The following G3BP2 variants were observed in gnomAD, a reference collection of about 807,000 sequenced individuals.
G3BP2 encodes the protein ras GTPase-activating protein-binding protein 2.
A neutral mutation model predicts 56.7 loss-of-function variants in G3BP2; 11 were observed. That is an observed-to-expected ratio of 0.19 (90% CI 0.12 to 0.32). The LOEUF (loss-of-function observed/expected upper bound fraction) is 0.32. Among genes scored for constraint, G3BP2 ranks in the 10% least tolerant of loss-of-function variants. The pLI, the probability that G3BP2 is intolerant of heterozygous loss-of-function variation, is 1.00. For missense variants in G3BP2, 340 were observed against 610.9 expected (o/e 0.56, Z 4.67); for synonymous variants, 165 against 191.6 (o/e 0.86, Z 1.15).
At chr4:75,654,356 C>G (rs1483513485) in intron 7 of G3BP2, among the ~76,000 whole-genome samples, 1 of 152,172 alleles carries the variant, frequency 6.6e-6, no homozygotes, top group Non-Finnish European at 1.5e-5. Context: ...GCAAACAAAA[C>G]CACTAACAAA....
At chr4:75,672,287 C>T (rs757481773) in intron 1 of G3BP2, among the ~76,000 whole-genome samples, 2 of 152,136 alleles carry the variant, frequency 1.3e-5, no homozygotes, top group African/African-American at 4.8e-5. Context: ...AATCTATATT[C>T]GCCCCAAAGC....
intron 3 of G3BP2, among the ~76,000 whole-genome samples, chr4:75,687,488 A>G (rs892053433): frequency 6.6e-6 from 1 of 152,190 alleles, no homozygotes; most frequent in African/African-American, 2.4e-5. Flanking sequence ...AAACAAACTA[A>G]TAGAGGTCTG....
At chr4:75,648,444 C>A (rs1489878838) in intron 9 of G3BP2, among the ~76,000 whole-genome samples, 195 bp downstream of exon 9, 1 of 151,710 alleles carries the variant, frequency 6.6e-6, no homozygotes, top group African/African-American at 2.4e-5. Context: ...GTCACCATGG[C>A]ATGTCAACCA....
chr4:75,673,719 A>G, upstream of G3BP2: 1 of 871,788 alleles, frequency 1.1e-6, no homozygotes, highest in Non-Finnish European at 1.5e-6. Context: ...CGCAAGCGAG[A>G]GCTGGTTCGC....
intron 1 of G3BP2, chr4:75,670,542 A>G (rs1456307847): frequency 6.6e-6 from 1 of 152,238 alleles, no homozygotes; most frequent in African/African-American, 2.4e-5. Flanking sequence ...GAGGGAGGCT[A>G]GTTTTAAAAT....
upstream of G3BP2, chr4:75,674,069 A>C (rs1373669342): frequency 6.6e-6 from 1 of 152,240 alleles, no homozygotes; most frequent in Non-Finnish European, 1.5e-5. Flanking sequence ...AAGCTAAAAG[A>C]AGGCCTGAAA....
At chr4:75,674,716 A>ATTTTTT (rs1379462396), upstream of G3BP2, among the ~76,000 whole-genome samples, 7 of 53,058 alleles carry the variant, frequency 1.3e-4, no homozygotes, top group African/African-American at 4.0e-4. Context: ...ATATATATAT[A>ATTTTTT]TATTTTTTTT....
chr4:75,689,477 A>C (rs1718761952), intron 3 of G3BP2, among the ~76,000 whole-genome samples: 1 of 152,188 alleles, frequency 6.6e-6, no homozygotes, highest in South Asian at 2.1e-4. Context: ...AAATGTTTAT[A>C]ATATATTGTG....
chr4:75,713,236 C>T (rs549800852), intron 3 of G3BP2, among the ~76,000 whole-genome samples: 1 of 152,120 alleles, frequency 6.6e-6, no homozygotes, highest in South Asian at 2.1e-4. Context: ...CAGTTCTTAA[C>T]AAAATAGGTG....
intron 5 of G3BP2, among the ~76,000 whole-genome samples, chr4:75,656,422 G>A (rs1732121773): frequency 6.6e-6 from 1 of 151,820 alleles, no homozygotes; most frequent in African/African-American, 2.4e-5. Flanking sequence ...TTCAGTAAAA[G>A]GAAAAAAGTT....
chr4:75,662,595 C>A (rs11729983), intron 1 of G3BP2: 46,822 of 152,132 alleles, frequency 0.31, 8,720 homozygotes, highest in East Asian at 0.77. Context: ...CAACTTACAA[C>A]AAATAGCAAA....
chr4:75,721,415 T>C (rs1186320257), intron 2 of G3BP2, among the ~76,000 whole-genome samples: 6 of 152,048 alleles, frequency 3.9e-5, no homozygotes, highest in Non-Finnish European at 7.4e-5. Context: ...CATGCCACCA[T>C]GCTCAGCTAA....
chr4:75,717,941 C>A (rs952354900), intron 3 of G3BP2, among the ~76,000 whole-genome samples: 4 of 151,988 alleles, frequency 2.6e-5, no homozygotes, highest in Non-Finnish European at 5.9e-5. Flanking sequence ...GAGATCAAGA[C>A]CATCCTGGCC....
intron 8 of G3BP2, among the ~76,000 whole-genome samples, chr4:75,651,423 A>C (rs1323454002): frequency 2.0e-5 from 3 of 152,252 alleles, no homozygotes; most frequent in Non-Finnish European, 4.4e-5. Context: ...GAAAATTAAA[A>C]ACAGATAAAG....
chr4:75,645,286 T>C lies in G3BP2; in HGVS notation c.*144A>G. The C allele has an allele frequency of 1.4e-6, 1 of 696,982 alleles. No individual in the cohort carries two copies. 43.2% of individuals were successfully genotyped at this position (696,982 alleles called of 1,614,324 possible). A position where few individuals can be genotyped will look rare whatever the true frequency, so the allele number is the denominator to read the frequency against. On this transcript the variant is annotated 3_prime_UTR_variant, in exon 12 of 12. Coordinates refer to ENST00000359707, the MANE Select transcript of G3BP2 (RefSeq NM_203505.3). ...ATTGGGGAAATAATGTCCACCTCAA[T>C]TTAACTGATAACCAAAGATGCTTTT...
intron 3 of G3BP2, among the ~76,000 whole-genome samples, chr4:75,714,106 T>C (rs565937020): frequency 6.6e-6 from 1 of 152,196 alleles, no homozygotes; most frequent in African/African-American, 2.4e-5. Context: ...AAAAACTTTT[T>C]CCCCAAAAAG....
At chr4:75,664,945 C>A (rs1732883860) in intron 1 of G3BP2, among the ~76,000 whole-genome samples, 1 of 150,650 alleles carries the variant, frequency 6.6e-6, no homozygotes, top group Non-Finnish European at 1.5e-5. Flanking sequence ...AAGCTTGAGG[C>A]CAGGAGTTCA....
upstream of G3BP2, among the ~76,000 whole-genome samples, chr4:75,677,339 C>T (rs1382276564): frequency 6.6e-6 from 1 of 151,754 alleles, no homozygotes; most frequent in Non-Finnish European, 1.5e-5. Context: ...TTGGGAGGCC[C>T]AGGTGGGTGG....
intron 3 of G3BP2, among the ~76,000 whole-genome samples, chr4:75,719,794 G>T (rs1720082253): frequency 1.3e-5 from 2 of 151,800 alleles, no homozygotes; most frequent in South Asian, 4.2e-4. Flanking sequence ...TCTCCATGTT[G>T]GTCAGGCTGG....
Sources: gnomAD v4.1 joint callset for allele counts (sites outside exome capture counted in the v4.1 genomes callset) on GRCh38, gnomAD v4.1.1 for gene constraint, MANE v1.5 for transcripts, NCBI Gene and HGNC (gene_info 2026-07-23, HGNC 2026-07-21) for gene names.